SOS1: variants seen among roughly 807,000 people sequenced by gnomAD.
The protein encoded by SOS1 is SOS Ras/Rac guanine nucleotide exchange factor 1.
In SOS1, 25 loss-of-function variants were observed where a neutral mutation model predicts 157.6. The observed-to-expected ratio is 0.16, with a 90% CI of 0.12 to 0.22. The LOEUF (loss-of-function observed/expected upper bound fraction) is 0.22, where lower values mean the gene tolerates loss of function less well. Among genes scored for constraint, SOS1 ranks in the 10% least tolerant of loss-of-function variants. The pLI is 1.00. For missense variants in SOS1, 1,237 were observed against 1,599.1 expected, an observed-to-expected ratio of 0.77 and a Z score of 3.86; for synonymous variants, 528 against 534.0, an observed-to-expected ratio of 0.99 and a Z score of 0.16.
chr2:39,034,973 T>TA (rs902767903), intron 8 of SOS1: 17 of 551,008 alleles, frequency 3.1e-5, no homozygotes, highest in East Asian at 1.0e-4. Context: ...AAACCAAAAA[T>TA]AAAAAAAAGA....
chr2:39,040,166 T>C (rs533089789), intron 6 of SOS1, among the ~76,000 whole-genome samples: 11 of 151,600 alleles, frequency 7.3e-5, no homozygotes, highest in Non-Finnish European at 1.3e-4. Flanking sequence ...CGCCCGCCAC[T>C]ACACCCGGCT....
intron 8 of SOS1, 89 bp downstream of exon 8, chr2:39,035,123 G>A (rs1485736386): frequency 2.5e-6 from 2 of 794,414 alleles, no homozygotes; most frequent in East Asian, 2.7e-5. Flanking sequence ...TAATGTGCAG[G>A]GTACTCACAC....
intron 4 of SOS1, among the ~76,000 whole-genome samples, chr2:39,055,682 C>G (rs1378528220): frequency 1.3e-5 from 2 of 152,140 alleles, no homozygotes; most frequent in Non-Finnish European, 2.9e-5. Context: ...TATTCCAAAT[C>G]AGTAAGAGTA....
chr2:39,072,159 C>T (rs544078445), intron 1 of SOS1, among the ~76,000 whole-genome samples: 1 of 152,086 alleles, frequency 6.6e-6, no homozygotes, highest in Non-Finnish European at 1.5e-5. Flanking sequence ...CTGGGTTAAT[C>T]CCTATACTAT....
chr2:39,054,029 G>C (rs932260574), intron 5 of SOS1, among the ~76,000 whole-genome samples: 1 of 151,732 alleles, frequency 6.6e-6, no homozygotes, highest in African/African-American at 2.4e-5. Flanking sequence ...CCAGGTTCAC[G>C]CCATTCTCCT....
chr2:39,098,761 C>T (rs1459728552), intron 1 of SOS1, among the ~76,000 whole-genome samples: 8 of 152,010 alleles, frequency 5.3e-5, no homozygotes, highest in African/African-American at 9.7e-5. Context: ...TGGTGGCAGG[C>T]GCCTGTGGTC....
rs183508589 is a variant in SOS1, at chr2:39,050,645, G to C, written c.864+499C>G. Among the ~76,000 whole-genome samples the C allele has an allele frequency of 1.1e-4, 16 of 152,288 alleles. 1 individual carries two copies. In the East Asian group the frequency reaches 2.9e-3, roughly 28 times the overall value. ...TTCCTTTGAGCATCATGTTGGAATAGTTTCAGATTTTGGAGCATTTCATAT... is the reference window on the plus strand; with the variant it reads ...TTCCTTTGAGCATCATGTTGGAATACTTTCAGATTTTGGAGCATTTCATAT... On this transcript the variant is annotated intron_variant, in intron 6 of 22. Transcript: ENST00000402219.
At chr2:38,987,722 A>G in intron 21 of SOS1, 131 bp from the exon 22 acceptor site, 1 of 663,362 alleles carries the variant, frequency 1.5e-6, no homozygotes, top group Non-Finnish European at 2.7e-6. Context: ...TGTTCAATAA[A>G]CCAATACCGA....
chr2:39,087,228 A>G (rs985044909), intron 1 of SOS1, among the ~76,000 whole-genome samples: 1 of 152,316 alleles, frequency 6.6e-6, no homozygotes, highest in Admixed American at 6.5e-5. Context: ...TTCCAGATAA[A>G]TCATATTAAT....
At position 39,056,643 on chromosome 2, in the gene SOS1, G is replaced by C. The variant is rs180918477; in HGVS notation, c.510+59C>G. ...TTTATTCTATATGAATAGTACGTTA[G>C]CATCTAATAAGTCATAAAAAGAAAC... On this transcript the variant is annotated intron_variant, in intron 4 of 22. Transcript: ENST00000402219. 0.014 allele frequency: 14,487 copies of C among 1,023,210 alleles called. 152 individuals are homozygous for C. The highest frequency in any genetic ancestry group is 0.026 in the South Asian group (2,068 of 78,590). 63.4% of individuals were successfully genotyped at this position (1,023,210 alleles called of 1,614,324 possible).
In SOS1 at chr2:38,994,391, C is replaced by CAGAT. The variant is rs559073435; in HGVS notation, c.3346+728_3346+731dup. ...ATTTGTTTCGCTGCACTGAAAAGCACAGATAGTGTATTAGCAGCCATTATA... is the reference window on the plus strand; with the variant it reads ...ATTTGTTTCGCTGCACTGAAAAGCACAGATAGATAGTGTATTAGCAGCCATTATA... On this transcript the variant is annotated intron_variant, in intron 20 of 22. Transcript: ENST00000402219. Among the ~76,000 whole-genome samples the CAGAT allele has an allele frequency of 2.2e-4, 33 of 152,238 alleles. No homozygotes were observed. In the South Asian group the frequency reaches 6.4e-3, roughly 30 times the overall value.
At chr2:39,107,450 T>A (rs1205427701) in intron 1 of SOS1, among the ~76,000 whole-genome samples, 1 of 152,142 alleles carries the variant, frequency 6.6e-6, no homozygotes, top group African/African-American at 2.4e-5. Flanking sequence ...TAAGACACTT[T>A]CACTCAAAGT....
intron 8 of SOS1, among the ~76,000 whole-genome samples, chr2:39,034,382 G>T (rs985964549): frequency 1.3e-5 from 2 of 152,106 alleles, no homozygotes; most frequent in Admixed American, 6.5e-5. Flanking sequence ...ATGATTTCCA[G>T]TAATATATTC....
At chr2:39,116,174 C>T (rs1673643467) in intron 1 of SOS1, among the ~76,000 whole-genome samples, 1 of 7,782 alleles carries the variant, frequency 1.3e-4, no homozygotes, top group Non-Finnish European at 2.2e-4. Flanking sequence ...GAGAAGTTCA[C>T]TTGAATAACC....
At chr2:39,030,697 T>C (rs1030486544) in intron 8 of SOS1, among the ~76,000 whole-genome samples, 5 of 151,818 alleles carry the variant, frequency 3.3e-5, no homozygotes, top group Admixed American at 3.3e-4. Context: ...TTGTTAAGGG[T>C]TGAATTGTGT....
intron 6 of SOS1, among the ~76,000 whole-genome samples, chr2:39,045,273 A>AGAGAGAGAGAGAGAGTGTGT (rs138343013): frequency 9.3e-6 from 1 of 108,048 alleles, no homozygotes; most frequent in Non-Finnish European, 1.9e-5. Flanking sequence ...AGAGAGAGAG[A>AGAGAGAGAGAGAGAGTGTGT]GTGTGTGTGT....
At chr2:39,033,635 A>C (rs1404077251) in intron 8 of SOS1, among the ~76,000 whole-genome samples, 1 of 152,150 alleles carries the variant, frequency 6.6e-6, no homozygotes, top group Admixed American at 6.6e-5. Flanking sequence ...TCCTGAGCTC[A>C]AGTGTTCCTC....
chr2:39,029,874 C>T (rs1670096342), intron 8 of SOS1, among the ~76,000 whole-genome samples: 1 of 151,978 alleles, frequency 6.6e-6, no homozygotes. Context: ...AGAGAACCTC[C>T]ATTGATTCTC....
intron 1 of SOS1, among the ~76,000 whole-genome samples, chr2:39,118,305 C>T (rs1673730228): frequency 6.6e-6 from 1 of 152,120 alleles, no homozygotes; most frequent in Admixed American, 6.6e-5. Flanking sequence ...AATTCAATAA[C>T]AAATCAAAGG....
Sources: allele counts gnomAD v4.1 joint callset (sites outside exome capture counted in the v4.1 genomes callset), GRCh38; gene constraint gnomAD v4.1.1; transcripts MANE v1.5; gene names NCBI Gene and HGNC (gene_info 2026-07-23, HGNC 2026-07-21).